Variants in GALNTL6 observed in about 807,000 individuals in gnomAD.
GALNTL6 encodes polypeptide N-acetylgalactosaminyltransferase-like 6.
In GALNTL6, 46 loss-of-function variants were observed where a neutral mutation model predicts 73.7. The observed-to-expected ratio is 0.62, with a 90% CI of 0.49 to 0.80. The LOEUF is 0.80. GALNTL6 is among the 30% of genes least tolerant of loss of function. The pLI is 0.00. For synonymous variants in GALNTL6, 259 were observed against 263.7 expected (o/e 0.98, Z 0.17); for missense variants, 604 against 755.0 (o/e 0.80, Z 2.34).
intron 2 of GALNTL6, among the ~76,000 whole-genome samples, chr4:171,986,030 T>A (rs1265489914): frequency 5.0e-5 from 5 of 99,292 alleles, no homozygotes; most frequent in African/African-American, 1.6e-4. Flanking sequence ...AGAGCCAGAC[T>A]CTGTCTCAAA....
chr4:172,777,278 A>C (rs1007251477), intron 5 of GALNTL6, among the ~76,000 whole-genome samples: 1 of 152,196 alleles, frequency 6.6e-6, no homozygotes, highest in African/African-American at 2.4e-5. Context: ...ATAGCTACGT[A>C]TCTTTCCATC....
chr4:172,341,740 T>G (rs975451849), intron 4 of GALNTL6, among the ~76,000 whole-genome samples: 9 of 152,116 alleles, frequency 5.9e-5, no homozygotes, highest in Admixed American at 1.3e-4. Context: ...CCTCCTTCCC[T>G]CCCTCCATGA....
At chr4:172,436,432 C>T in intron 5 of GALNTL6, among the ~76,000 whole-genome samples, 1 of 152,008 alleles carries the variant, frequency 6.6e-6, no homozygotes, top group East Asian at 1.9e-4. Context: ...GTGGTTCTCC[C>T]CAGGAGACAC....
intron 4 of GALNTL6, among the ~76,000 whole-genome samples, chr4:172,321,203 C>T (rs2111164047): frequency 6.6e-6 from 1 of 152,164 alleles, no homozygotes; most frequent in South Asian, 2.1e-4. Context: ...TTTTAGGCAT[C>T]TACTAGGGGT....
chr4:172,172,230 C>T (rs990780580), intron 2 of GALNTL6, among the ~76,000 whole-genome samples: 5 of 152,138 alleles, frequency 3.3e-5, no homozygotes, highest in African/African-American at 1.2e-4. Context: ...CAGAGTCTCA[C>T]TCTGTCGCCT....
intron 2 of GALNTL6, among the ~76,000 whole-genome samples, chr4:171,950,244 CAG>C (rs1443912797): frequency 6.6e-6 from 1 of 151,842 alleles, no homozygotes; most frequent in African/African-American, 2.4e-5. Context: ...ATTTTAATAA[CAG>C]ATCAAAGAAA....
At chr4:172,392,601 T>A (rs1290835849) in intron 5 of GALNTL6, among the ~76,000 whole-genome samples, 1 of 152,120 alleles carries the variant, frequency 6.6e-6, no homozygotes, top group Non-Finnish European at 1.5e-5. Flanking sequence ...GAAGAGTTGC[T>A]CTGGCTGAAA....
chr4:172,076,541 C>T (rs370649929), intron 2 of GALNTL6, among the ~76,000 whole-genome samples: 1 of 152,086 alleles, frequency 6.6e-6, no homozygotes, highest in Non-Finnish European at 1.5e-5. Context: ...ATTAAAAAAA[C>T]ATTTTGTATT....
intron 5 of GALNTL6, among the ~76,000 whole-genome samples, chr4:172,748,696 G>A (rs1360231561): frequency 1.3e-5 from 2 of 152,022 alleles, no homozygotes; most frequent in South Asian, 2.1e-4. Context: ...GTGACCTATC[G>A]CACAGCAGGA....
chr4:172,480,536 G>T (rs2111480765), intron 5 of GALNTL6, among the ~76,000 whole-genome samples: 1 of 152,286 alleles, frequency 6.6e-6, no homozygotes, highest in South Asian at 2.1e-4. Context: ...GGATCATACA[G>T]ATAAAAAGGG....
At chr4:172,300,019 C>T (rs1271726631) in intron 3 of GALNTL6, among the ~76,000 whole-genome samples, 1 of 152,098 alleles carries the variant, frequency 6.6e-6, no homozygotes, top group Admixed American at 6.6e-5. Flanking sequence ...CTTTGTAGGT[C>T]TCTAAGGACT....
chr4:172,175,100 G>A (rs922723176), intron 2 of GALNTL6, among the ~76,000 whole-genome samples: 17 of 147,236 alleles, frequency 1.2e-4, no homozygotes, highest in Non-Finnish European at 2.2e-4. Flanking sequence ...TTTTTGAGAC[G>A]GAGTCTCACT....
rs1739699748 is a variant in GALNTL6 at position 172,636,648 on chromosome 4, G to A, written c.554-172713G>A. 3.3e-5 allele frequency among the ~76,000 whole-genome samples: 5 copies of A among 152,170 alleles called. No individual in the cohort carries two copies. In the South Asian group the frequency reaches 1.0e-3, roughly 31 times the overall value. Reference sequence around the variant, plus strand: ...GATTCTTACCCACAGCCTTCAAAAGGAGTACAGCCCTGCTTGCCCATTTTG... The same window carrying A: ...GATTCTTACCCACAGCCTTCAAAAGAAGTACAGCCCTGCTTGCCCATTTTG... On this transcript the variant is annotated intron_variant, in intron 5 of 12. Coordinates refer to ENST00000506823, the MANE Select transcript of GALNTL6 (RefSeq NM_001034845.3).
intron 2 of GALNTL6, among the ~76,000 whole-genome samples, chr4:172,177,817 GTGTATA>G (rs1735087756): frequency 3.0e-5 from 4 of 132,206 alleles, no homozygotes; most frequent in African/African-American, 1.3e-4. Flanking sequence ...ATATATGTGT[GTGTATA>G]TATACACACA....
intron 2 of GALNTL6, among the ~76,000 whole-genome samples, chr4:172,191,000 A>G (rs2110878011): frequency 6.6e-6 from 1 of 152,254 alleles, no homozygotes; most frequent in South Asian, 2.1e-4. Flanking sequence ...CACCCTCTCA[A>G]AGATTTCACT....
chr4:172,591,282 C>A (rs776172097), intron 5 of GALNTL6, among the ~76,000 whole-genome samples: 10 of 152,088 alleles, frequency 6.6e-5, no homozygotes, highest in Non-Finnish European at 1.5e-5. Context: ...TATTAATGTA[C>A]AGAGATTAAA....
intron 5 of GALNTL6, among the ~76,000 whole-genome samples, chr4:172,480,246 G>A (rs1008770407): frequency 6.6e-6 from 1 of 151,716 alleles, no homozygotes; most frequent in Non-Finnish European, 1.5e-5. Flanking sequence ...CTAGGAGTTC[G>A]AGGTTGCCAT....
At chr4:172,649,085 T>C (rs1740367346) in intron 5 of GALNTL6, among the ~76,000 whole-genome samples, 1 of 152,170 alleles carries the variant, frequency 6.6e-6, no homozygotes, top group Non-Finnish European at 1.5e-5. Context: ...TTTTACCCCA[T>C]ACTTCAACGT....
chr4:172,369,085 GC>G lies in GALNTL6; in HGVS notation c.553+20405del, dbSNP rs929769706. Among the ~76,000 whole-genome samples the G allele has an allele frequency of 5.4e-3, 816 of 150,368 alleles. 6 individuals are homozygous for G. The highest frequency in any genetic ancestry group is 0.019 in the African/African-American group (759 of 40,382). On this transcript the variant is annotated intron_variant, in intron 5 of 12. Coordinates refer to ENST00000506823, the MANE Select transcript of GALNTL6 (RefSeq NM_001034845.3). ...GCAGCCTGCTCTTATTCCCTTATGT[GC>G]CCCCCCCCACATCCTGCTGATTGGT...
Sources: gnomAD v4.1 joint callset for allele counts (sites outside exome capture counted in the v4.1 genomes callset) on GRCh38, gnomAD v4.1.1 for gene constraint, MANE v1.5 for transcripts, NCBI Gene and HGNC (gene_info 2026-07-23, HGNC 2026-07-21) for gene names.